YIPF4: variants seen among roughly 807,000 people sequenced by gnomAD.
The protein encoded by YIPF4 is Yip1 domain family member 4, also known as protein YIPF4.
A neutral mutation model predicts 29.4 loss-of-function variants in YIPF4; 18 were observed. That is an observed-to-expected ratio of 0.61 (90% confidence interval 0.42 to 0.91). The LOEUF (loss-of-function observed/expected upper bound fraction) is 0.91, where lower values mean the gene tolerates loss of function less well. Ranked by LOEUF, YIPF4 falls within the 40% of genes least tolerant of loss-of-function variation. The probability of loss-of-function intolerance (pLI) is 0.00; values close to 1 mark genes in which losing one functional copy is unlikely to be tolerated. For missense variants in YIPF4, 279 were observed against 282.7 expected, an observed-to-expected ratio of 0.99 and a Z score of 0.09; for synonymous variants, 115 against 104.7, an observed-to-expected ratio of 1.10 and a Z score of -0.60.
At position 32,292,417 on chromosome 2, in the gene YIPF4, A is replaced by G. The variant is rs551009439; in HGVS notation, c.405+69A>G. The G allele has an allele frequency of 2.7e-5, 31 of 1,150,554 alleles. No homozygotes were observed. In the African/African-American group the frequency reaches 4.6e-4, roughly 17 times the overall value. The allele number at this position is 1,150,554 out of a possible 1,614,324, so 71.3% of individuals were successfully genotyped here. A position where few individuals can be genotyped will look rare whatever the true frequency, so the allele number is the denominator to read the frequency against. On this transcript the variant is annotated intron_variant, in intron 3 of 5. Coordinates refer to ENST00000238831, the MANE Select transcript of YIPF4 (RefSeq NM_032312.4). ...TTTCAAAAATTAAATATAATAAGAT[A>G]TTAACTGTAATATACCATATTATGT...
chr2:32,297,313 G>C (rs2031230766), intron 3 of YIPF4, among the ~76,000 whole-genome samples: 1 of 151,670 alleles, frequency 6.6e-6, no homozygotes, highest in Non-Finnish European at 1.5e-5. Context: ...TTTTTACAGG[G>C]TTTCTCCATG....
At position 32,311,433 on chromosome 2, in the gene YIPF4, C is replaced by G. The variant is rs887262887; in HGVS notation, c.*5807C>G. Reference sequence around the variant, plus strand: ...GGAAGATGGCAGTGGTAAAACATTTCCCTGCTTTACATTTTTATATTGGCA... The same window carrying G: ...GGAAGATGGCAGTGGTAAAACATTTGCCTGCTTTACATTTTTATATTGGCA... On this transcript the variant is annotated 3_prime_UTR_variant, in exon 6 of 6. Transcript: ENST00000238831. 2.0e-5 allele frequency: 3 copies of G among 152,148 alleles called. No individual in the cohort carries two copies. Among genetic ancestry groups the G allele is most frequent in the Admixed American group, 6.6e-5 (1 of 15,262 alleles). The allele number at this position is 152,148 out of a possible 1,614,324, so 9.4% of individuals were successfully genotyped here.
chr2:32,282,024 G>T (rs556243893), intron 1 of YIPF4, among the ~76,000 whole-genome samples: 2 of 151,446 alleles, frequency 1.3e-5, no homozygotes, highest in East Asian at 3.9e-4. Flanking sequence ...GATTGTGCCA[G>T]TGTGCTCCAG....
intron 5 of YIPF4, among the ~76,000 whole-genome samples, chr2:32,302,092 G>A (rs2031425673): frequency 1.3e-5 from 2 of 148,794 alleles, no homozygotes; most frequent in Non-Finnish European, 3.0e-5. Context: ...GTGCAGTGGC[G>A]TGATCTCAGC....
intron 1 of YIPF4, among the ~76,000 whole-genome samples, chr2:32,283,026 A>G (rs2030500783): frequency 6.6e-6 from 1 of 151,588 alleles, no homozygotes; most frequent in African/African-American, 2.4e-5. Flanking sequence ...GCAGTGAGCC[A>G]AGATCGCGCC....
chr2:32,299,202 C>G (rs1336744141), intron 4 of YIPF4, among the ~76,000 whole-genome samples: 1 of 152,110 alleles, frequency 6.6e-6, no homozygotes, highest in Non-Finnish European at 1.5e-5. Context: ...AATTCTCAAA[C>G]TTTGATCTCA....
chr2:32,287,711 G>C (rs1031675375), intron 1 of YIPF4, among the ~76,000 whole-genome samples: 59 of 152,164 alleles, frequency 3.9e-4, no homozygotes, highest in Non-Finnish European at 5.4e-4. Context: ...ATTTTGTTGT[G>C]TGGGTTTTCC....
In YIPF4 at chr2:32,306,238, TGTTA is replaced by T; in HGVS notation, c.*613_*616del. ...TCTCACACATGCTTCGATACTTCCTTGTTAAGAATTCTTAATAACTACTAAAACT... is the reference window on the plus strand; with the variant it reads ...TCTCACACATGCTTCGATACTTCCTTAGAATTCTTAATAACTACTAAAACT... On this transcript the variant is annotated 3_prime_UTR_variant, in exon 6 of 6. Coordinates refer to ENST00000238831, the MANE Select transcript of YIPF4 (RefSeq NM_032312.4). The T allele has an allele frequency of 2.2e-6, 2 of 928,048 alleles. No homozygotes were observed. Among genetic ancestry groups the T allele is most frequent in the Non-Finnish European group, 2.6e-6 (2 of 777,584 alleles). 57.5% of individuals were successfully genotyped at this position (928,048 alleles called of 1,614,324 possible). A position where few individuals can be genotyped will look rare whatever the true frequency, so the allele number is the denominator to read the frequency against.
rs1287698256 is a variant in YIPF4, at chr2:32,308,303, G to C, written c.*2677G>C. The C allele has an allele frequency of 6.6e-6, 1 of 152,034 alleles. No homozygotes were observed. The highest frequency in any genetic ancestry group is 1.5e-5 in the Non-Finnish European group (1 of 68,080). 9.4% of individuals were successfully genotyped at this position (152,034 alleles called of 1,614,324 possible). ...TTTTTGTATTTTTAGTAGAGATGGGGTTTCACCGTGTTAACCAGGATGGTC... is the reference window on the plus strand; with the variant it reads ...TTTTTGTATTTTTAGTAGAGATGGGCTTTCACCGTGTTAACCAGGATGGTC... On this transcript the variant is annotated 3_prime_UTR_variant, in exon 6 of 6. Coordinates refer to ENST00000238831, the MANE Select transcript of YIPF4 (RefSeq NM_032312.4).
At chr2:32,292,409 A>T (rs562925489) in intron 3 of YIPF4, 61 bp downstream of exon 3, 19 of 1,239,412 alleles carry the variant, frequency 1.5e-5, no homozygotes, top group Non-Finnish European at 1.9e-5. Context: ...AATTAAATAT[A>T]ATAAGATATT....
chr2:32,281,894 CAAAAAAAAAA>C (rs58882814), intron 1 of YIPF4, among the ~76,000 whole-genome samples: 5 of 53,436 alleles, frequency 9.4e-5, no homozygotes, highest in African/African-American at 1.7e-4. Flanking sequence ...GACTCTGTCT[CAAAAAAAAAA>C]AAAAAAAAAA....
In YIPF4 at chr2:32,309,517, T is replaced by G. The variant is rs1393424512; in HGVS notation, c.*3891T>G. 1.3e-5 allele frequency: 2 copies of G among 152,156 alleles called. No individual in the cohort carries two copies. Among genetic ancestry groups the G allele is most frequent in the Non-Finnish European group, 2.9e-5 (2 of 68,030 alleles). 9.4% of individuals were successfully genotyped at this position (152,156 alleles called of 1,614,324 possible). A position where few individuals can be genotyped will look rare whatever the true frequency, so the allele number is the denominator to read the frequency against. ...TTTTTGTTTAAATATTGTTTAAAAT[T>G]TAGTCATTTAAAAATTTTGTGATGT... is the stretch of plus-strand genomic sequence containing the variant. On this transcript the variant is annotated 3_prime_UTR_variant, in exon 6 of 6. Transcript: ENST00000238831.
Position 32,278,072 on chromosome 2 carries a change from C to G in YIPF4, c.-84C>G. 3 of 1,208,466 alleles carry G rather than the reference C, an allele frequency of 2.5e-6. No homozygotes were observed. In the South Asian group the frequency reaches 4.4e-5, roughly 18 times the overall value. 74.9% of individuals were successfully genotyped at this position (1,208,466 alleles called of 1,614,324 possible). ...CTCGTAGGCCGCACCGTAGGGCGAG[C>G]GTGCGGGTCGCCGCCGCGGCCGCCT... On this transcript the variant is annotated 5_prime_UTR_variant, in exon 1 of 6. Coordinates refer to ENST00000238831, the MANE Select transcript of YIPF4 (RefSeq NM_032312.4).
chr2:32,281,905 A>AG lies in YIPF4; in HGVS notation c.79+3671_79+3672insG, dbSNP rs1385173850. Reference sequence around the variant, plus strand: ...GTGAGACTCTGTCTCAAAAAAAAAAAAAAAAAAAAAGGCAACCATGGTAGT... The same window carrying AG: ...GTGAGACTCTGTCTCAAAAAAAAAAAGAAAAAAAAAAGGCAACCATGGTAGT... On this transcript the variant is annotated intron_variant, in intron 1 of 5. Coordinates refer to ENST00000238831, the MANE Select transcript of YIPF4 (RefSeq NM_032312.4). 8.9e-5 allele frequency among the ~76,000 whole-genome samples: 13 copies of AG among 145,486 alleles called. 1 individual carries two copies. In the South Asian group the frequency reaches 2.6e-3, roughly 29 times the overall value.
Position 32,306,036 on chromosome 2 carries a change from TG to T in YIPF4, c.*411del. 4 of 906,748 alleles carry T rather than the reference TG, an allele frequency of 4.4e-6. No homozygotes were observed. The highest frequency in any genetic ancestry group is 5.3e-6 in the Non-Finnish European group (4 of 758,482). The allele number at this position is 906,748 out of a possible 1,614,324, so 56.2% of individuals were successfully genotyped here. Reference sequence around the variant, plus strand: ...ATGTTTTCTCCAGCATCACAGATCCTGCAGATATATATTTATATTTATACAT... The same window carrying T: ...ATGTTTTCTCCAGCATCACAGATCCTCAGATATATATTTATATTTATACAT... On this transcript the variant is annotated 3_prime_UTR_variant, in exon 6 of 6. Transcript: ENST00000238831.
intron 2 of YIPF4, 41 bp from the exon 3 acceptor site, chr2:32,292,136 G>T: frequency 7.6e-7 from 1 of 1,315,614 alleles, no homozygotes; most frequent in Non-Finnish European, 1.0e-6. Context: ...TTAGTATTCA[G>T]AAATGTGTGC....
intron 3 of YIPF4, among the ~76,000 whole-genome samples, chr2:32,297,915 A>C (rs2031256087): frequency 6.6e-6 from 1 of 152,128 alleles, no homozygotes; most frequent in South Asian, 2.1e-4. Context: ...TTCAGAAATA[A>C]ATTTTTCTTC....
chr2:32,282,425 T>TA (rs2030462156), intron 1 of YIPF4, among the ~76,000 whole-genome samples: 1 of 152,202 alleles, frequency 6.6e-6, no homozygotes, highest in Non-Finnish European at 1.5e-5. Flanking sequence ...GCAAGCTACT[T>TA]ACCTTTTTTG....
At chr2:32,305,442 T>C in intron 5 of YIPF4, 47 bp from the exon 6 acceptor site, 1 of 1,425,192 alleles carries the variant, frequency 7.0e-7, no homozygotes, top group Non-Finnish European at 9.2e-7. Flanking sequence ...AAAAAGTTAA[T>C]TGACTTGCTA....
Sources: gnomAD v4.1 joint callset for allele counts (sites outside exome capture counted in the v4.1 genomes callset) on GRCh38, gnomAD v4.1.1 for gene constraint, MANE v1.5 for transcripts, NCBI Gene and HGNC (gene_info 2026-07-23, HGNC 2026-07-21) for gene names.